ACAD11: variants seen among roughly 807,000 people sequenced by gnomAD.
ACAD11 encodes the protein acyl-CoA dehydrogenase family member 11.
Under a neutral mutation model 102.2 loss-of-function variants are expected in ACAD11, and 83 were observed. The observed-to-expected ratio is 0.81, with a 90% CI of 0.68 to 0.97. The LOEUF is 0.97. Ranked by LOEUF, ACAD11 falls within the 50% of genes least tolerant of loss-of-function variation. The probability of loss-of-function intolerance (pLI) is 0.00; values close to 1 mark genes in which losing one functional copy is unlikely to be tolerated. For missense variants in ACAD11, 901 were observed against 951.7 expected, an observed-to-expected ratio of 0.95 and a Z score of 0.70; for synonymous variants, 324 against 319.8, an observed-to-expected ratio of 1.01 and a Z score of -0.14.
chr3:132,614,935 G>C (rs1939343115), intron 11 of ACAD11, among the ~76,000 whole-genome samples: 1 of 152,070 alleles, frequency 6.6e-6, no homozygotes, highest in Admixed American at 6.5e-5. Flanking sequence ...ATCTGACAAA[G>C]GGCTAATATC....
intron 11 of ACAD11, among the ~76,000 whole-genome samples, chr3:132,613,467 T>C (rs1363266081): frequency 1.3e-5 from 2 of 151,912 alleles, no homozygotes; most frequent in Admixed American, 6.6e-5. Context: ...ATGCCCTCTC[T>C]CACCACTCCT....
intron 17 of ACAD11, among the ~76,000 whole-genome samples, chr3:132,568,943 G>A (rs1029494700): frequency 1.3e-5 from 2 of 151,812 alleles, no homozygotes; most frequent in South Asian, 2.1e-4. Context: ...TATAGGATTC[G>A]GCAGAGTTAT....
At chr3:132,656,790 T>G (rs902879830) in intron 1 of ACAD11, among the ~76,000 whole-genome samples, 14 of 151,968 alleles carry the variant, frequency 9.2e-5, no homozygotes, top group Admixed American at 2.0e-4. Context: ...CTGCACCCAG[T>G]CTATTGTCAG....
chr3:132,573,794 G>A lies in ACAD11; in HGVS notation c.2001+1978C>T, dbSNP rs186062159. On this transcript the variant is annotated intron_variant, in intron 17 of 19. Transcript: ENST00000264990. ...AAATGGGTAGAAACTAGGTGCTCTA[G>A]GGAACTGCCAAATATATTTCCTAAG... Among the ~76,000 whole-genome samples, 4 of 152,302 alleles carry A rather than the reference G, an allele frequency of 2.6e-5. No individual in the cohort carries two copies. In the East Asian group the frequency reaches 7.7e-4, roughly 29 times the overall value.
chr3:132,564,304 C>A (rs950869211), intron 17 of ACAD11, among the ~76,000 whole-genome samples: 1 of 152,138 alleles, frequency 6.6e-6, no homozygotes, highest in Non-Finnish European at 1.5e-5. Flanking sequence ...GTGTTTCCTC[C>A]TTCTCTATTT....
chr3:132,642,664 A>T lies in ACAD11; in HGVS notation c.375+13T>A. 6.3e-7 allele frequency: 1 copy of T among 1,586,596 alleles called. No individual in the cohort carries two copies. Among genetic ancestry groups the T allele is most frequent in the Non-Finnish European group, 8.5e-7 (1 of 1,171,336 alleles). ...AAGTAAAAGCAACAAAATAAGATTA[A>T]GTGTTAATTTACCTGCACATGTTCC... On this transcript the variant is annotated intron_variant, in intron 3 of 19. Coordinates refer to ENST00000264990, the MANE Select transcript of ACAD11 (RefSeq NM_032169.5).
chr3:132,559,574 G>T (rs897710638), intron 19 of ACAD11, among the ~76,000 whole-genome samples: 2 of 151,972 alleles, frequency 1.3e-5, no homozygotes, highest in Admixed American at 1.3e-4. Flanking sequence ...CAAATTCAGC[G>T]AAACCCCATG....
At chr3:132,598,255 C>G (rs1478818472) in intron 13 of ACAD11, among the ~76,000 whole-genome samples, 1 of 152,098 alleles carries the variant, frequency 6.6e-6, no homozygotes, top group Non-Finnish European at 1.5e-5. Context: ...TTATACATTC[C>G]AAAACTTACG....
At chr3:132,604,172 C>T (rs1938741840) in intron 12 of ACAD11, among the ~76,000 whole-genome samples, 1 of 152,020 alleles carries the variant, frequency 6.6e-6, no homozygotes, top group Admixed American at 6.6e-5. Context: ...GTTATGAGGC[C>T]AACTGCATTC....
chr3:132,587,261 C>T (rs1937882089), intron 13 of ACAD11, among the ~76,000 whole-genome samples: 1 of 152,180 alleles, frequency 6.6e-6, no homozygotes, highest in Non-Finnish European at 1.5e-5. Flanking sequence ...TCCCTCTTGC[C>T]TCTTCTGGAA....
chr3:132,654,518 C>G (rs1000090183), intron 1 of ACAD11: 22 of 152,198 alleles, frequency 1.4e-4, no homozygotes, highest in African/African-American at 5.3e-4. Flanking sequence ...CAAAAGTCAG[C>G]TGAAGATAAT....
chr3:132,606,681 G>A (rs1458958216), intron 11 of ACAD11, among the ~76,000 whole-genome samples: 1 of 152,240 alleles, frequency 6.6e-6, no homozygotes, highest in Non-Finnish European at 1.5e-5. Flanking sequence ...GGACCTGCGG[G>A]AAGGGGTGGC....
At chr3:132,564,381 C>T (rs1324389221) in intron 17 of ACAD11, among the ~76,000 whole-genome samples, 1 of 152,158 alleles carries the variant, frequency 6.6e-6, no homozygotes, top group Non-Finnish European at 1.5e-5. Flanking sequence ...ACCAGTAATA[C>T]CATCTGGGCC....
chr3:132,567,040 G>A (rs538265391), intron 17 of ACAD11, among the ~76,000 whole-genome samples: 109 of 152,192 alleles, frequency 7.2e-4, no homozygotes, highest in Admixed American at 9.2e-4. Flanking sequence ...GTGCAGTGGC[G>A]TGATCTCAGC....
intron 11 of ACAD11, among the ~76,000 whole-genome samples, chr3:132,616,716 T>A (rs183678981): frequency 1.3e-5 from 2 of 152,318 alleles, no homozygotes; most frequent in African/African-American, 4.8e-5. Context: ...ACCCATTCAG[T>A]TCCCTTTCCA....
At position 132,634,645 on chromosome 3, in the gene ACAD11, C is replaced by T. The variant is rs1451884472; in HGVS notation, c.703-3166G>A. On this transcript the variant is annotated intron_variant, in intron 5 of 19. Coordinates refer to ENST00000264990, the MANE Select transcript of ACAD11 (RefSeq NM_032169.5). ...GGCACTACTCACAATAGCAAAGACT[C>T]GGAACCAACCCAAATATCCAATAAT... 9.9e-5 allele frequency among the ~76,000 whole-genome samples: 15 copies of T among 152,060 alleles called. No individual in the cohort carries two copies. The East Asian group carries it at 1.4e-3, about 14-fold the overall frequency.
At chr3:132,644,710 A>G (rs530727491) in intron 2 of ACAD11, 87 bp downstream of exon 2, 8 of 577,948 alleles carry the variant, frequency 1.4e-5, no homozygotes, top group African/African-American at 7.6e-5. Context: ...CAATCATAAG[A>G]TGCCTTTTAA....
rs139383129 is a variant in ACAD11 at position 132,599,789 on chromosome 3, T to C, written c.1621+3440A>G. On this transcript the variant is annotated intron_variant, in intron 13 of 19. Coordinates refer to ENST00000264990, the MANE Select transcript of ACAD11 (RefSeq NM_032169.5). ...TACAATAAGCAAGTAGTGACCAGTTTTGGAGGGAAGTTGGCTAAAGGAGAT... is the reference window on the plus strand; with the variant it reads ...TACAATAAGCAAGTAGTGACCAGTTCTGGAGGGAAGTTGGCTAAAGGAGAT... 4.7e-3 allele frequency among the ~76,000 whole-genome samples: 717 copies of C among 152,176 alleles called. 8 individuals are homozygous for C. Among genetic ancestry groups the C allele is most frequent in the African/African-American group, 0.015 (640 of 41,538 alleles).
intron 17 of ACAD11, 47 bp from the exon 18 acceptor site, chr3:132,561,264 A>G: frequency 7.2e-7 from 1 of 1,383,338 alleles, no homozygotes; most frequent in Non-Finnish European, 1.0e-6. Context: ...CTAAGCTGGT[A>G]TCTGATGTCC....
Sources: allele counts gnomAD v4.1 joint callset (sites outside exome capture counted in the v4.1 genomes callset), GRCh38; gene constraint gnomAD v4.1.1; transcripts MANE v1.5; gene names NCBI Gene and HGNC (gene_info 2026-07-23, HGNC 2026-07-21).